Variants in SYT1 observed in about 807,000 individuals in gnomAD.
SYT1 encodes the protein synaptotagmin-1.
SYT1 carries 8 observed loss-of-function variants against 44.8 expected under a neutral mutation model. The ratio of observed to expected loss-of-function variants is 0.18; its 90% CI spans 0.10 to 0.32. SYT1 has a LOEUF of 0.32. Among genes scored for constraint, SYT1 ranks in the 10% least tolerant of loss-of-function variants. SYT1 has a pLI of 1.00. For missense variants in SYT1, 286 were observed against 509.3 expected, an observed-to-expected ratio of 0.56 and a Z score of 4.22; for synonymous variants, 154 against 188.8, an observed-to-expected ratio of 0.82 and a Z score of 1.51.
intron 2 of SYT1, among the ~76,000 whole-genome samples, chr12:79,038,000 A>T (rs562305569): frequency 1.4e-4 from 21 of 151,754 alleles, no homozygotes; most frequent in African/African-American, 4.8e-4. Context: ...GGATAGTTGT[A>T]TGGTCTTTTT....
intron 3 of SYT1, among the ~76,000 whole-genome samples, chr12:79,137,836 A>G (rs575376030): frequency 1.3e-5 from 2 of 152,218 alleles, no homozygotes; most frequent in South Asian, 2.1e-4. Flanking sequence ...ACTGGTATTC[A>G]TGTATATGAG....
chr12:79,293,375 TAAAA>T lies in SYT1; in HGVS notation c.474+1246_474+1249del, dbSNP rs1565894503. ...TAAAATAAAATAAAATAAAATAAAATAAAATAAAATAAAATAAAATAAAATAAAA... is the reference window on the plus strand; with the variant it reads ...TAAAATAAAATAAAATAAAATAAAATTAAAATAAAATAAAATAAAATAAAA... On this transcript the variant is annotated intron_variant, in intron 6 of 10. Transcript: ENST00000261205. 1.4e-3 allele frequency among the ~76,000 whole-genome samples: 194 copies of T among 140,572 alleles called. 3 individuals carry two copies. Among genetic ancestry groups the T allele is most frequent in the African/African-American group, 3.8e-3 (144 of 37,632 alleles). 92.2% of individuals were successfully genotyped at this position (140,572 alleles called of 152,430 possible). A position where few individuals can be genotyped will look rare whatever the true frequency, so the allele number is the denominator to read the frequency against.
intron 1 of SYT1, among the ~76,000 whole-genome samples, chr12:78,940,163 A>T (rs1306314638): frequency 6.6e-6 from 1 of 151,890 alleles, no homozygotes; most frequent in Non-Finnish European, 1.5e-5. Flanking sequence ...TACTCAAAAA[A>T]TGCTGGTTGA....
intron 3 of SYT1, among the ~76,000 whole-genome samples, chr12:79,146,147 G>T (rs916132891): frequency 6.6e-6 from 1 of 152,174 alleles, no homozygotes; most frequent in East Asian, 1.9e-4. Flanking sequence ...AGACTTCAAG[G>T]AGTTTTTAAT....
rs1462969894 is a variant in SYT1, at chr12:78,907,110, C to T, written c.-217+42001C>T. On this transcript the variant is annotated intron_variant, in intron 1 of 10. Transcript: ENST00000261205. ...TTGTTTGGGTTTGTGGTAGGTGCTT[C>T]AGGTACATTACCTTATAAAATCACC... 2.0e-5 allele frequency among the ~76,000 whole-genome samples: 3 copies of T among 151,920 alleles called. No homozygotes were observed. The East Asian group carries it at 5.8e-4, about 30-fold the overall frequency.
rs984192149 is a variant in SYT1 at position 79,077,874 on chromosome 12, C to CT, written c.-18+30521dup. Among the ~76,000 whole-genome samples, 10 of 150,588 alleles carry CT rather than the reference C, an allele frequency of 6.6e-5. No homozygotes were observed. The South Asian group carries it at 1.3e-3, about 19-fold the overall frequency. ...CATGCCCTTTTTAAAAAATTGTATG[C>CT]TTTTTTTTTCTGGTTTGATAAATTT... On this transcript the variant is annotated intron_variant, in intron 3 of 10. Coordinates refer to ENST00000261205, the MANE Select transcript of SYT1 (RefSeq NM_005639.3).
At position 79,180,792 on chromosome 12, in the gene SYT1, C is replaced by T. The variant is rs566536594; in HGVS notation, c.-17-36711C>T. On this transcript the variant is annotated intron_variant, in intron 3 of 10. Coordinates refer to ENST00000261205, the MANE Select transcript of SYT1 (RefSeq NM_005639.3). ...GATCCAATCACCTCCCAGCAGGCCC[C>T]ACCTCCAACGTTGGGTGATATGGTT... Among the ~76,000 whole-genome samples the T allele has an allele frequency of 1.4e-4, 21 of 152,098 alleles. No homozygotes were observed. The South Asian group carries it at 3.7e-3, about 27-fold the overall frequency.
chr12:79,240,370 T>A (rs114753843), intron 4 of SYT1, among the ~76,000 whole-genome samples: 2,466 of 152,326 alleles, frequency 0.016, 50 homozygotes, highest in African/African-American at 0.045. Flanking sequence ...TTGGTGTCAT[T>A]CCATTATAGC....
chr12:78,998,450 G>A (rs1870519863), intron 2 of SYT1, among the ~76,000 whole-genome samples: 1 of 152,168 alleles, frequency 6.6e-6, no homozygotes, highest in Non-Finnish European at 1.5e-5. Flanking sequence ...AGCACTCTGA[G>A]AACAGAAGTC....
At chr12:78,884,803 CAA>C (rs549372150) in intron 1 of SYT1, among the ~76,000 whole-genome samples, 1 of 151,222 alleles carries the variant, frequency 6.6e-6, no homozygotes, top group Admixed American at 6.6e-5. Context: ...CTTTTTAAAA[CAA>C]AAAGAAAAAA....
At chr12:79,066,460 C>T (rs1215841975) in intron 3 of SYT1, among the ~76,000 whole-genome samples, 2 of 148,362 alleles carry the variant, frequency 1.3e-5, no homozygotes, top group African/African-American at 5.0e-5. Flanking sequence ...TAACATTAAG[C>T]ATCACATCTC....
chr12:79,148,516 G>A (rs767876602), intron 3 of SYT1, among the ~76,000 whole-genome samples: 1 of 151,988 alleles, frequency 6.6e-6, no homozygotes, highest in Non-Finnish European at 1.5e-5. Context: ...CATGCTTCAC[G>A]GTAAATTATA....
chr12:79,058,025 T>C (rs958816769), intron 3 of SYT1, among the ~76,000 whole-genome samples: 1 of 152,002 alleles, frequency 6.6e-6, no homozygotes, highest in South Asian at 2.1e-4. Context: ...GTTTGGACAA[T>C]TGTATATTTA....
At chr12:79,076,820 T>TTGGC (rs1232496847) in intron 3 of SYT1, among the ~76,000 whole-genome samples, 3 of 152,056 alleles carry the variant, frequency 2.0e-5, no homozygotes, top group Non-Finnish European at 2.9e-5. Context: ...AATACAAAAA[T>TTGGC]TGGCTGGGCA....
At chr12:78,920,896 C>A (rs554136695) in intron 1 of SYT1, among the ~76,000 whole-genome samples, 1 of 151,824 alleles carries the variant, frequency 6.6e-6, no homozygotes, top group Non-Finnish European at 1.5e-5. Flanking sequence ...ATGCAGCTGA[C>A]AAATAAGGTA....
intron 1 of SYT1, among the ~76,000 whole-genome samples, chr12:78,883,420 G>A (rs969509194): frequency 3.3e-5 from 5 of 151,606 alleles, no homozygotes; most frequent in African/African-American, 1.2e-4. Flanking sequence ...ACTTTAATGT[G>A]TGGTTTTGGT....
Position 79,173,246 on chromosome 12 carries a change from A to G in SYT1, c.-17-44257A>G, listed in dbSNP as rs141624547. Among the ~76,000 whole-genome samples the G allele has an allele frequency of 1.3e-4, 20 of 152,108 alleles. No individual in the cohort carries two copies. The East Asian group carries it at 2.1e-3, about 16-fold the overall frequency. ...ATTGAGCTTACAATTCAGATCAGCAATGCTCCCCTGCAAGTTCCCTGTAAG... is the reference window on the plus strand; with the variant it reads ...ATTGAGCTTACAATTCAGATCAGCAGTGCTCCCCTGCAAGTTCCCTGTAAG... On this transcript the variant is annotated intron_variant, in intron 3 of 10. Transcript: ENST00000261205.
chr12:79,445,475 T>C (rs910859504), intron 10 of SYT1, among the ~76,000 whole-genome samples: 2 of 152,060 alleles, frequency 1.3e-5, no homozygotes, highest in African/African-American at 2.4e-5. Flanking sequence ...TCCCAGTCTT[T>C]AGTATCCTTT....
chr12:79,069,061 C>T (rs1172089964), intron 3 of SYT1, among the ~76,000 whole-genome samples: 3 of 151,978 alleles, frequency 2.0e-5, no homozygotes, highest in African/African-American at 7.3e-5. Flanking sequence ...ATTATAAAGC[C>T]AAAGCTCTAG....
Sources: allele counts gnomAD v4.1 joint callset (sites outside exome capture counted in the v4.1 genomes callset), GRCh38; gene constraint gnomAD v4.1.1; transcripts MANE v1.5; gene names NCBI Gene and HGNC (gene_info 2026-07-23, HGNC 2026-07-21).